The following GABRA3 variants were observed in gnomAD, a reference collection of about 807,000 sequenced individuals.
GABRA3 encodes the protein gamma-aminobutyric acid type A receptor subunit alpha3.
Under a neutral mutation model 30.1 loss-of-function variants are expected in GABRA3, and 10 were observed. The observed-to-expected ratio is 0.33, with a 90% CI of 0.20 to 0.56. The LOEUF is 0.56. Ranked by LOEUF, GABRA3 falls within the 20% of genes least tolerant of loss-of-function variation. The pLI is 0.89. For missense variants in GABRA3, 233 were observed against 392.0 expected (o/e 0.59, Z 3.42); for synonymous variants, 151 against 146.8 (o/e 1.03, Z -0.21).
At chrX:152,373,713 G>C (rs1928906021) in intron 1 of GABRA3, among the ~76,000 whole-genome samples, 1 of 110,504 alleles carries the variant, frequency 9.0e-6, no homozygotes, top group South Asian at 3.9e-4. Context: ...GTGTCGTGTT[G>C]GTTTGCTGCA....
At chrX:152,189,202 G>A (rs1937292240) in intron 9 of GABRA3, among the ~76,000 whole-genome samples, 1 of 112,132 alleles carries the variant, frequency 8.9e-6, no homozygotes, top group Admixed American at 9.5e-5. Context: ...AGATAAATCT[G>A]TGAATGATTC....
intron 5 of GABRA3, among the ~76,000 whole-genome samples, chrX:152,254,491 C>A (rs1216881069): frequency 2.7e-5 from 3 of 110,266 alleles, no homozygotes; most frequent in African/African-American, 9.9e-5. Context: ...TTCTCCTCCC[C>A]TCTTGACCCT....
At chrX:152,246,141 C>T (rs1027076806) in intron 5 of GABRA3, among the ~76,000 whole-genome samples, 3 of 111,507 alleles carry the variant, frequency 2.7e-5, no homozygotes, top group African/African-American at 9.8e-5. Flanking sequence ...CTCTTAATTC[C>T]TTCTCTGATG....
intron 9 of GABRA3, among the ~76,000 whole-genome samples, chrX:152,174,674 G>A (rs769590622): frequency 9.0e-6 from 1 of 110,999 alleles, no homozygotes; most frequent in South Asian, 3.9e-4. Context: ...TGAGTTCATT[G>A]TAGATCCTGG....
At chrX:152,238,842 C>T (rs1320182567) in intron 5 of GABRA3, among the ~76,000 whole-genome samples, 3 of 109,192 alleles carry the variant, frequency 2.7e-5, no homozygotes, top group Non-Finnish European at 3.8e-5. Context: ...TGGTGATATC[C>T]CCTTTATCAT....
chrX:152,369,806 A>C (rs1417658858), intron 1 of GABRA3, among the ~76,000 whole-genome samples: 1 of 111,448 alleles, frequency 9.0e-6, no homozygotes, highest in Non-Finnish European at 1.9e-5. Context: ...GTTTTTTTTA[A>C]ATTCAAAGAT....
At chrX:152,276,446 G>A (rs1939086792) in intron 4 of GABRA3, among the ~76,000 whole-genome samples, 1 of 111,862 alleles carries the variant, frequency 8.9e-6, no homozygotes, top group African/African-American at 3.2e-5. Flanking sequence ...CATCACAAGA[G>A]TATTTGGCCC....
chrX:152,292,495 G>A (rs760505372), intron 3 of GABRA3, among the ~76,000 whole-genome samples: 28 of 110,580 alleles, frequency 2.5e-4, no homozygotes, highest in East Asian at 5.7e-4. Context: ...TTCAGAAATC[G>A]AGCTCCTGGA....
At chrX:152,169,224 AGAC>A (rs1422671306) in intron 9 of GABRA3, among the ~76,000 whole-genome samples, 8 of 112,593 alleles carry the variant, frequency 7.1e-5, no homozygotes, top group South Asian at 3.7e-4. Flanking sequence ...TTTGTCATAA[AGAC>A]AATACATACC....
intron 3 of GABRA3, among the ~76,000 whole-genome samples, chrX:152,294,183 G>A (rs1939479873): frequency 9.0e-6 from 1 of 111,359 alleles, no homozygotes; most frequent in African/African-American, 3.3e-5. Context: ...ACCTTGCTAG[G>A]TTGGGGAAGT....
intron 8 of GABRA3, among the ~76,000 whole-genome samples, chrX:152,190,362 C>T (rs944970003): frequency 6.3e-5 from 7 of 110,751 alleles, no homozygotes; most frequent in African/African-American, 2.3e-4. Context: ...GAAAAAAAAT[C>T]TGCTCCTTAC....
intron 1 of GABRA3, among the ~76,000 whole-genome samples, chrX:152,393,996 T>C (rs1929572523): frequency 9.0e-6 from 1 of 111,642 alleles, no homozygotes. Flanking sequence ...ACAATTATTA[T>C]ACACGATCAA....
intron 5 of GABRA3, among the ~76,000 whole-genome samples, chrX:152,226,363 G>A (rs189644538): frequency 9.0e-6 from 1 of 111,516 alleles, no homozygotes; most frequent in East Asian, 2.8e-4. Flanking sequence ...TAACCTATGA[G>A]ATGCTCACAG....
intron 1 of GABRA3, among the ~76,000 whole-genome samples, chrX:152,434,776 T>A (rs1395502663): frequency 8.9e-6 from 1 of 111,757 alleles, no homozygotes; most frequent in Admixed American, 9.5e-5. Context: ...GCAATAGACT[T>A]AGAAAGATCA....
intron 9 of GABRA3, among the ~76,000 whole-genome samples, chrX:152,184,519 G>T (rs1228441296): frequency 1.8e-5 from 2 of 111,344 alleles, no homozygotes; most frequent in Admixed American, 1.9e-4. Context: ...GTTTTTTCCT[G>T]GAGAGTATAC....
At chrX:152,244,160 C>A (rs1261741694) in intron 5 of GABRA3, among the ~76,000 whole-genome samples, 1 of 111,907 alleles carries the variant, frequency 8.9e-6, no homozygotes, top group Non-Finnish European at 1.9e-5. Flanking sequence ...GTCTCCTGAA[C>A]TAGATTGAAT....
chrX:152,385,466 C>A (rs545144590), intron 1 of GABRA3, among the ~76,000 whole-genome samples: 2 of 112,000 alleles, frequency 1.8e-5, no homozygotes, highest in South Asian at 7.5e-4. Context: ...AACCTGTACA[C>A]ATCTCACAAA....
chrX:152,400,088 C>A (rs1378956652), intron 1 of GABRA3, among the ~76,000 whole-genome samples: 1 of 111,723 alleles, frequency 9.0e-6, no homozygotes, highest in African/African-American at 3.3e-5. Flanking sequence ...AAAGAGGATA[C>A]ACACACGTCA....
intron 1 of GABRA3, among the ~76,000 whole-genome samples, chrX:152,426,782 T>C (rs1298325777): frequency 8.9e-6 from 1 of 112,190 alleles, no homozygotes; most frequent in Non-Finnish European, 1.9e-5. Flanking sequence ...CAAATATATC[T>C]CTAACACTTA....
Sources: allele counts gnomAD v4.1 joint callset (sites outside exome capture counted in the v4.1 genomes callset), GRCh38; gene constraint gnomAD v4.1.1; transcripts MANE v1.5; gene names NCBI Gene and HGNC (gene_info 2026-07-23, HGNC 2026-07-21).